The following CSMD1 variants were observed in gnomAD, a reference collection of about 807,000 sequenced individuals.
The protein encoded by CSMD1 is CUB and Sushi multiple domains 1, also known as CUB and sushi domain-containing protein 1.
CSMD1 carries 213 observed loss-of-function variants against 417.5 expected under a neutral mutation model. The ratio of observed to expected loss-of-function variants is 0.51; its 90% CI spans 0.46 to 0.57. The LOEUF is 0.57. Ranked by LOEUF, CSMD1 falls within the 20% of genes least tolerant of loss-of-function variation. The probability of loss-of-function intolerance (pLI) is 0.00; values close to 1 mark genes in which losing one functional copy is unlikely to be tolerated. For missense variants in CSMD1, 6,923 were observed against 4,529.7 expected, an observed-to-expected ratio of 1.53 and a Z score of -15.17; for synonymous variants, 2,862 against 1,736.8, an observed-to-expected ratio of 1.65 and a Z score of -16.11.
At position 4,486,529 on chromosome 8, in the gene CSMD1, G is replaced by C. The variant is rs1411603841; in HGVS notation, c.303-66464C>G. ...ATGTTTATATTGTACATTTTTATCTGTTTAGTAATATTTTTGAAGTAAGCA... is the reference window on the plus strand; with the variant it reads ...ATGTTTATATTGTACATTTTTATCTCTTTAGTAATATTTTTGAAGTAAGCA... On this transcript the variant is annotated intron_variant, in intron 2 of 69. Transcript: ENST00000635120. Among the ~76,000 whole-genome samples, 5 of 151,690 alleles carry C rather than the reference G, an allele frequency of 3.3e-5. No individual in the cohort carries two copies. In the East Asian group the frequency reaches 5.8e-4, roughly 18 times the overall value.
chr8:4,440,923 G>A (rs962555009), intron 2 of CSMD1, among the ~76,000 whole-genome samples: 3 of 151,226 alleles, frequency 2.0e-5, no homozygotes, highest in South Asian at 2.1e-4. Flanking sequence ...CTTGAACCCG[G>A]GAGGCGGAGG....
chr8:3,931,757 G>C lies in CSMD1; in HGVS notation c.818+66146C>G, dbSNP rs1274938590. Among the ~76,000 whole-genome samples, 3 of 148,826 alleles carry C rather than the reference G, an allele frequency of 2.0e-5. 1 individual carries two copies. Among genetic ancestry groups the C allele is most frequent in the Middle Eastern group, 3.4e-3 (1 of 290 alleles). ...TCTCAATCCACACCAGAGGAAACAA[G>C]GTGAGCAAGGAGCACCTAAGACCCC... On this transcript the variant is annotated intron_variant, in intron 5 of 69. Transcript: ENST00000635120.
At chr8:4,026,232 ATCAT>A (rs1395180444) in intron 4 of CSMD1, among the ~76,000 whole-genome samples, 1 of 152,208 alleles carries the variant, frequency 6.6e-6, no homozygotes. Flanking sequence ...ACTGTGCTGC[ATCAT>A]TCAAATATGT....
chr8:4,036,362 A>G (rs540464015), intron 3 of CSMD1, among the ~76,000 whole-genome samples: 38 of 152,274 alleles, frequency 2.5e-4, no homozygotes, highest in Admixed American at 1.2e-3. Context: ...AATTGTTACC[A>G]TGGTACTGCG....
chr8:3,393,388 G>C (rs1298920308), intron 17 of CSMD1, among the ~76,000 whole-genome samples: 2 of 152,184 alleles, frequency 1.3e-5, no homozygotes, highest in African/African-American at 2.4e-5. Context: ...CAGCAGATCA[G>C]AACTTTATGA....
At chr8:4,794,839 AC>A (rs1797887415) in intron 1 of CSMD1, among the ~76,000 whole-genome samples, 1 of 152,162 alleles carries the variant, frequency 6.6e-6, no homozygotes, top group Admixed American at 6.5e-5. Flanking sequence ...AGGAAAACTG[AC>A]CTCCAAGACA....
intron 5 of CSMD1, among the ~76,000 whole-genome samples, chr8:3,947,519 A>C (rs1811313315): frequency 6.6e-6 from 1 of 152,194 alleles, no homozygotes; most frequent in South Asian, 2.1e-4. Flanking sequence ...TTGGAAATTA[A>C]ACAACACTCT....
intron 2 of CSMD1, among the ~76,000 whole-genome samples, chr8:4,563,734 C>A (rs1173540705): frequency 6.6e-6 from 1 of 152,190 alleles, no homozygotes; most frequent in Non-Finnish European, 1.5e-5. Context: ...GAAAATGTGA[C>A]CTGTTGACAT....
At position 3,918,873 on chromosome 8, in the gene CSMD1, GT is replaced by G. The variant is rs1809018781; in HGVS notation, c.818+79029del. Among the ~76,000 whole-genome samples the G allele has an allele frequency of 2.0e-5, 3 of 152,030 alleles. No homozygotes were observed. In the South Asian group the frequency reaches 6.2e-4, roughly 32 times the overall value. On this transcript the variant is annotated intron_variant, in intron 5 of 69. Coordinates refer to ENST00000635120, the MANE Select transcript of CSMD1 (RefSeq NM_033225.6). ...ATGACACAATGGACTTTGGGGACTT[GT>G]GGGGAAAGAATAGGAAGGGGGTGAA...
intron 23 of CSMD1, among the ~76,000 whole-genome samples, chr8:3,312,838 T>C (rs180720816): frequency 2.0e-5 from 3 of 152,296 alleles, no homozygotes; most frequent in Admixed American, 6.5e-5. Flanking sequence ...TCAGACACTT[T>C]GACCCCTAGG....
intron 1 of CSMD1, among the ~76,000 whole-genome samples, chr8:4,710,921 T>C (rs1460856810): frequency 6.6e-6 from 1 of 150,376 alleles, no homozygotes; most frequent in Non-Finnish European, 1.5e-5. Context: ...ATGGCCTGAG[T>C]CCAAACATAA....
rs1802610687 is a variant in CSMD1 at position 2,951,265 on chromosome 8, A to T, written c.10050T>A (p.Asp3350Glu). The change falls in exon 66 of 70, where the codon GAT becomes GAA. Residue 3350 changes from aspartate to glutamate, a missense_variant. Coordinates refer to ENST00000635120, the MANE Select transcript of CSMD1 (RefSeq NM_033225.6). ...ETVTKTPVPS[D>E]VFFVNSLWKG... ...TCCACAGTGAATTGACGAAAAAGACATCTGAAGGAACTGTGGGAAGGGGGG... is the reference window on the plus strand; with the variant it reads ...TCCACAGTGAATTGACGAAAAAGACTTCTGAAGGAACTGTGGGAAGGGGGG... The T allele has an allele frequency of 6.2e-7, 1 of 1,604,298 alleles. No individual in the cohort carries two copies. The highest frequency in any genetic ancestry group is 8.5e-7 in the Non-Finnish European group (1 of 1,174,876).
At chr8:3,097,825 C>A (rs1168550939) in intron 46 of CSMD1, among the ~76,000 whole-genome samples, 1 of 152,076 alleles carries the variant, frequency 6.6e-6, no homozygotes, top group Non-Finnish European at 1.5e-5. Context: ...TGCTCGGGAC[C>A]CTGGGAAGAG....
chr8:4,096,544 T>A (rs1801020735), intron 3 of CSMD1, among the ~76,000 whole-genome samples: 1 of 151,408 alleles, frequency 6.6e-6, no homozygotes, highest in East Asian at 1.9e-4. Flanking sequence ...GTTAAATCCT[T>A]TCTTAACGAT....
At position 4,454,432 on chromosome 8, in the gene CSMD1, C is replaced by T. The variant is rs1010216331; in HGVS notation, c.303-34367G>A. On this transcript the variant is annotated intron_variant, in intron 2 of 69. Coordinates refer to ENST00000635120, the MANE Select transcript of CSMD1 (RefSeq NM_033225.6). ...AGGAGATCTTCTTTGGATACCCTACCCTAGTCTGGCTACACCGCCGTTTGA... is the reference window on the plus strand; with the variant it reads ...AGGAGATCTTCTTTGGATACCCTACTCTAGTCTGGCTACACCGCCGTTTGA... 2.0e-5 allele frequency among the ~76,000 whole-genome samples: 3 copies of T among 152,148 alleles called. No individual in the cohort carries two copies. The South Asian group carries it at 6.2e-4, about 32-fold the overall frequency.
intron 3 of CSMD1, among the ~76,000 whole-genome samples, chr8:4,309,405 G>C (rs576090301): frequency 1.3e-5 from 2 of 151,906 alleles, no homozygotes; most frequent in African/African-American, 2.4e-5. Flanking sequence ...AAAAGCTTTG[G>C]AAATTTGAAA....
intron 12 of CSMD1, among the ~76,000 whole-genome samples, chr8:3,455,087 C>A (rs541442083): frequency 2.6e-5 from 4 of 152,316 alleles, no homozygotes; most frequent in African/African-American, 9.6e-5. Flanking sequence ...GATACCCTTT[C>A]TTTCTATCGA....
intron 7 of CSMD1, among the ~76,000 whole-genome samples, chr8:3,702,466 A>C (rs1214224108): frequency 2.0e-5 from 3 of 152,240 alleles, no homozygotes; most frequent in Admixed American, 6.5e-5. Flanking sequence ...AGAGCTGCTA[A>C]AACTGGTTTC....
intron 8 of CSMD1, among the ~76,000 whole-genome samples, chr8:3,602,591 G>C (rs1038815734): frequency 5.3e-5 from 8 of 151,982 alleles, no homozygotes; most frequent in African/African-American, 1.7e-4. Flanking sequence ...TGAAATTTTT[G>C]CAGAATCTTA....
Sources: gnomAD v4.1 joint callset for allele counts (sites outside exome capture counted in the v4.1 genomes callset) on GRCh38, gnomAD v4.1.1 for gene constraint, MANE v1.5 for transcripts, NCBI Gene and HGNC (gene_info 2026-07-23, HGNC 2026-07-21) for gene names.